Variants in ING4 observed in about 807,000 individuals in gnomAD.
ING4 encodes inhibitor of growth family member 4, also known as inhibitor of growth protein 4.
ING4 carries 28 observed loss-of-function variants against 33.1 expected under a neutral mutation model. The ratio of observed to expected loss-of-function variants is 0.85; its 90% CI spans 0.63 to 1.16. The LOEUF (loss-of-function observed/expected upper bound fraction) is 1.16, where lower values mean the gene tolerates loss of function less well. ING4 is among the 50% of genes most tolerant of loss of function. ING4 has a pLI of 0.00. For missense variants in ING4, 247 were observed against 314.7 expected, an observed-to-expected ratio of 0.78 and a Z score of 1.63; for synonymous variants, 87 against 104.4, an observed-to-expected ratio of 0.83 and a Z score of 1.02.
At chr12:6,663,040 A>C in intron 1 of ING4, 25 bp downstream of exon 1, 1 of 1,612,428 alleles carries the variant, frequency 6.2e-7, no homozygotes. Context: ...TGCAGCCCCG[A>C]CCCCCACCTC....
intron 1 of ING4, among the ~76,000 whole-genome samples, chr12:6,658,581 G>A (rs1265262503): frequency 6.6e-6 from 1 of 152,056 alleles, no homozygotes; most frequent in Non-Finnish European, 1.5e-5. Flanking sequence ...AGCTACTTGG[G>A]AGGCTGGGGC....
In ING4 at chr12:6,652,356, T is replaced by C; in HGVS notation, c.560A>G (p.Asp187Gly). ...FGSVHPSDVL[D>G]MPVDPNEPTY... ...GGGTTCGTTGGGATCCACAGGCATA[T>C]CCAACACATCAGAGGGGTGGACACT... The change falls in exon 6 of 8, where the codon GAT becomes GGT. Residue 187 changes from aspartate to glycine, a missense_variant. Physicochemically the swap from Asp to Gly is moderately conservative, Grantham distance 94. Around this residue, in one of 3 missense-constraint regions of ING4, gnomAD observed 11 missense variants for 43.8 expected, o/e 0.25. Transcript: ENST00000341550. The C allele has an allele frequency of 6.2e-7, 1 of 1,614,072 alleles. No homozygotes were observed. The highest frequency in any genetic ancestry group is 8.5e-7 in the Non-Finnish European group (1 of 1,180,000).
chr12:6,653,346 G>T lies in ING4; in HGVS notation c.160C>A (p.Arg54Ser). The T allele has an allele frequency of 6.2e-7, 1 of 1,614,136 alleles. No homozygotes were observed. The highest frequency in any genetic ancestry group is 8.5e-7 in the Non-Finnish European group (1 of 1,180,028). The change falls in exon 3 of 8, where the codon CGC (arginine) becomes AGC (serine). Residue 54 changes from arginine (R) to serine (S), a missense_variant. Around this residue, in one of 3 missense-constraint regions of ING4, gnomAD observed 198 missense variants for 221.2 expected, o/e 0.89. Coordinates refer to ENST00000341550, the MANE Select transcript of ING4 (RefSeq NM_016162.4). ...AATTTTTCCTCGGAGCTCAGGCTGCGGGCACTACTCATATACTCAGTGGCC... is the reference window on the plus strand; with the variant it reads ...AATTTTTCCTCGGAGCTCAGGCTGCTGGCACTACTCATATACTCAGTGGCC... The part of the protein sequence containing the change: ...KLATEYMSSA[R>S]SLSSEEKLAL...
At chr12:6,655,084 C>T (rs978565513) in intron 2 of ING4, among the ~76,000 whole-genome samples, 1 of 151,060 alleles carries the variant, frequency 6.6e-6, no homozygotes, top group Non-Finnish European at 1.5e-5. Context: ...CACTGTGTTG[C>T]CCAGGCTGGA....
rs111933102 is a variant in ING4 at position 6,659,010 on chromosome 12, G to C, written c.38-2212C>G. Reference sequence around the variant, plus strand: ...ATCCCTCTTGGCCTATTAAATTCCTGTTCGTTCTTCCAAAGTTCAGCTCAA... The same window carrying C: ...ATCCCTCTTGGCCTATTAAATTCCTCTTCGTTCTTCCAAAGTTCAGCTCAA... On this transcript the variant is annotated intron_variant, in intron 1 of 7. Coordinates refer to ENST00000341550, the MANE Select transcript of ING4 (RefSeq NM_016162.4). Among the ~76,000 whole-genome samples the C allele has an allele frequency of 6.6e-3, 1,008 of 152,302 alleles. 2 individuals are homozygous for C. The highest frequency in any genetic ancestry group is 9.8e-3 in the Non-Finnish European group (666 of 68,018).
rs762169945 is a variant in ING4 at position 6,656,800 on chromosome 12, T to C, written c.38-2A>G. 6.5e-7 allele frequency: 1 copy of C among 1,546,224 alleles called. No individual in the cohort carries two copies. The highest frequency in any genetic ancestry group is 8.7e-7 in the Non-Finnish European group (1 of 1,145,040). ...ATTCAAAGGGAAGGTTTTCAATACCTAGGGAAGAGAGAGAAACAATCACAG... is the reference window on the plus strand; with the variant it reads ...ATTCAAAGGGAAGGTTTTCAATACCCAGGGAAGAGAGAGAAACAATCACAG... On this transcript the variant is annotated splice_acceptor_variant, in intron 1 of 7. Transcript: ENST00000341550. LOFTEE classifies it high-confidence loss of function.
chr12:6,658,125 A>C (rs1949431869), intron 1 of ING4, among the ~76,000 whole-genome samples: 1 of 151,112 alleles, frequency 6.6e-6, no homozygotes, highest in Non-Finnish European at 1.5e-5. Flanking sequence ...ACACCCGACT[A>C]ATTTTTGTAT....
In ING4 at chr12:6,653,380, A is replaced by G. The variant is rs747614878; in HGVS notation, c.126T>C (p.Ile42=). 1.2e-6 allele frequency: 2 copies of G among 1,614,120 alleles called. No individual in the cohort carries two copies. The highest frequency in any genetic ancestry group is 3.3e-5 in the Admixed American group (2 of 59,984). The change falls in exon 3 of 8, where the codon ATT becomes ATC. Residue 42 remains isoleucine, a synonymous_variant. Coordinates refer to ENST00000341550, the MANE Select transcript of ING4 (RefSeq NM_016162.4). ...TCATATACTCAGTGGCCAACTTGTC[A>G]ATTTCAGCCTTCAGGTCTACAACAG... is the stretch of plus-strand genomic sequence containing the variant. ...DQRTEDLKAE[I]DKLATEYMSS...
intron 3 of ING4, 43 bp downstream of exon 3, chr12:6,653,187 G>C: frequency 6.2e-7 from 1 of 1,609,950 alleles, no homozygotes; most frequent in African/African-American, 1.3e-5. Flanking sequence ...AGACCCTGAG[G>C]ATTAGATGGG....
At position 6,660,262 on chromosome 12, in the gene ING4, C is replaced by A. The variant is rs189139509; in HGVS notation, c.37+2803G>T. Reference sequence around the variant, plus strand: ...ATCGCTTGATCTCAGGAGTCTGAGACCAGCCTGGGCAATATGGCCAGATCC... The same window carrying A: ...ATCGCTTGATCTCAGGAGTCTGAGAACAGCCTGGGCAATATGGCCAGATCC... On this transcript the variant is annotated intron_variant, in intron 1 of 7. Coordinates refer to ENST00000341550, the MANE Select transcript of ING4 (RefSeq NM_016162.4). Among the ~76,000 whole-genome samples, 28 of 152,212 alleles carry A rather than the reference C, an allele frequency of 1.8e-4. No homozygotes were observed. In the East Asian group the frequency reaches 5.0e-3, roughly 27 times the overall value.
chr12:6,652,116 T>C (rs1270030742), intron 6 of ING4, among the ~76,000 whole-genome samples, 155 bp downstream of exon 6: 2 of 152,126 alleles, frequency 1.3e-5, no homozygotes, highest in East Asian at 3.9e-4. Flanking sequence ...CGCCTCAGCC[T>C]CCCAAAGTGC....
At chr12:6,659,448 A>G (rs576357723) in intron 1 of ING4, among the ~76,000 whole-genome samples, 9 of 152,206 alleles carry the variant, frequency 5.9e-5, no homozygotes, top group Non-Finnish European at 1.3e-4. Context: ...TGGAGGTTGC[A>G]GTGAGCTGAG....
intron 1 of ING4, among the ~76,000 whole-genome samples, chr12:6,662,414 TC>T (rs1406551809): frequency 1.2e-4 from 18 of 152,236 alleles, no homozygotes; most frequent in African/African-American, 3.9e-4. Context: ...CATTTTTCTA[TC>T]CCTAGTGCCT....
rs150219696 is a variant in ING4, at chr12:6,652,774, G to A, written c.392-7C>T. 6.2e-7 allele frequency: 1 copy of A among 1,613,566 alleles called. No individual in the cohort carries two copies. Among genetic ancestry groups the A allele is most frequent in the Non-Finnish European group, 8.5e-7 (1 of 1,179,630 alleles). On this transcript the variant is annotated splice_region_variant and splice_polypyrimidine_tract_variant and intron_variant, in intron 4 of 7. Coordinates refer to ENST00000341550, the MANE Select transcript of ING4 (RefSeq NM_016162.4). The stretch of plus-strand genomic sequence containing the variant: ...TTCTCCTTTTGAGTCCGGCCTTCTA[G>A]GGAAGAGGGAGAAAGCCAGAAGGCA...
At chr12:6,656,328 A>G in intron 2 of ING4, 1 of 246,902 alleles carries the variant, frequency 4.1e-6, no homozygotes, top group Non-Finnish European at 7.8e-6. Flanking sequence ...GGTGCGTGCC[A>G]CCACACCTGG....
chr12:6,652,845 A>T, intron 4 of ING4, 78 bp from the exon 5 acceptor site: 1 of 1,566,402 alleles, frequency 6.4e-7, no homozygotes, highest in South Asian at 1.1e-5. Context: ...CCCCTTTCCA[A>T]CCTGGTGCCA....
intron 1 of ING4, among the ~76,000 whole-genome samples, chr12:6,660,380 G>A (rs1184105383): frequency 6.6e-6 from 1 of 152,198 alleles, no homozygotes; most frequent in Non-Finnish European, 1.5e-5. Flanking sequence ...AGGCCAAGGT[G>A]GGTGGATCAC....
chr12:6,653,452 C>T (rs1949250190), intron 2 of ING4, 56 bp from the exon 3 acceptor site: 5 of 1,517,740 alleles, frequency 3.3e-6, no homozygotes, highest in Non-Finnish European at 4.5e-6. Flanking sequence ...AGGTGAAACA[C>T]ATTTCTTCCT....
chr12:6,661,406 G>GTTTTTTTTTTTT (rs1174675715), intron 1 of ING4, among the ~76,000 whole-genome samples: 3 of 118,592 alleles, frequency 2.5e-5, no homozygotes, highest in African/African-American at 7.3e-5. Context: ...ACCAGCCTTT[G>GTTTTTTTTTTTT]TTTTTTTTTT....
Sources: allele counts gnomAD v4.1 joint callset (sites outside exome capture counted in the v4.1 genomes callset), GRCh38; gene constraint gnomAD v4.1.1; regional missense constraint gnomAD v4.1.1; transcripts MANE v1.5; gene names NCBI Gene and HGNC (gene_info 2026-07-23, HGNC 2026-07-21).